The following MARCHF8 variants were observed in gnomAD, a reference collection of about 807,000 sequenced individuals.
MARCHF8 encodes the protein E3 ubiquitin-protein ligase MARCHF8.
Under a neutral mutation model 51.6 loss-of-function variants are expected in MARCHF8, and 40 were observed. The ratio of observed to expected loss-of-function variants is 0.77; its 90% CI spans 0.60 to 1.01. The LOEUF (loss-of-function observed/expected upper bound fraction) is 1.01. Among genes scored for constraint, MARCHF8 ranks in the 50% least tolerant of loss-of-function variants. The pLI is 0.00. For synonymous variants in MARCHF8, 263 were observed against 280.3 expected (o/e 0.94, Z 0.62); for missense variants, 685 against 708.6 (o/e 0.97, Z 0.38).
chr10:45,534,866 G>A (rs1027730561), intron 1 of MARCHF8, among the ~76,000 whole-genome samples: 3 of 152,154 alleles, frequency 2.0e-5, no homozygotes, highest in Non-Finnish European at 2.9e-5. Flanking sequence ...GTGTCACTAA[G>A]CAAGCAGAGG....
At chr10:45,564,996 A>G (rs954168975) in intron 1 of MARCHF8, among the ~76,000 whole-genome samples, 3 of 151,962 alleles carry the variant, frequency 2.0e-5, no homozygotes, top group African/African-American at 7.2e-5. Flanking sequence ...AAAAAAAAAA[A>G]AAAAAAAAAT....
intron 5 of MARCHF8, among the ~76,000 whole-genome samples, chr10:45,462,829 T>C (rs1370590455): frequency 6.6e-6 from 1 of 152,110 alleles, no homozygotes; most frequent in Non-Finnish European, 1.5e-5. Flanking sequence ...TTTCGCCACG[T>C]TGGCCAAGCT....
At chr10:45,529,642 G>A (rs2043845802) in intron 2 of MARCHF8, among the ~76,000 whole-genome samples, 1 of 151,976 alleles carries the variant, frequency 6.6e-6, no homozygotes, top group African/African-American at 2.4e-5. Context: ...TTAAAAAATG[G>A]GCAAAGGGCA....
chr10:45,491,052 T>G (rs2043072126), intron 2 of MARCHF8, among the ~76,000 whole-genome samples: 1 of 152,186 alleles, frequency 6.6e-6, no homozygotes, highest in South Asian at 2.1e-4. Flanking sequence ...TACAGACATG[T>G]GCCACCATGT....
intron 3 of MARCHF8, among the ~76,000 whole-genome samples, chr10:45,484,244 C>CT (rs1304570977): frequency 6.6e-6 from 1 of 152,058 alleles, no homozygotes; most frequent in East Asian, 1.9e-4. Flanking sequence ...TGATATAAAA[C>CT]TTTGAGTTTG....
At chr10:45,474,448 C>T (rs1349306568) in intron 3 of MARCHF8, among the ~76,000 whole-genome samples, 1 of 152,056 alleles carries the variant, frequency 6.6e-6, no homozygotes, top group African/African-American at 2.4e-5. Context: ...TTGCCCCATC[C>T]CCACCCCTCC....
intron 2 of MARCHF8, among the ~76,000 whole-genome samples, chr10:45,522,124 G>A (rs1348120639): frequency 6.6e-6 from 1 of 151,966 alleles, no homozygotes; most frequent in Admixed American, 6.6e-5. Flanking sequence ...TTAAAGTCAG[G>A]GGTTCAAGGT....
upstream of MARCHF8, among the ~76,000 whole-genome samples, chr10:45,538,548 T>C (rs918476930): frequency 2.6e-5 from 4 of 152,268 alleles, no homozygotes; most frequent in South Asian, 6.2e-4. Context: ...CAAGACCCAT[T>C]ACTGTGCTGT....
intron 3 of MARCHF8, among the ~76,000 whole-genome samples, chr10:45,481,082 G>A (rs906612681): frequency 1.3e-5 from 2 of 152,260 alleles, no homozygotes; most frequent in African/African-American, 4.8e-5. Context: ...GGAGTCAAAG[G>A]AGATCACTTT....
intron 1 of MARCHF8, among the ~76,000 whole-genome samples, chr10:45,575,262 TC>T (rs1259401717): frequency 6.6e-6 from 1 of 152,132 alleles, no homozygotes; most frequent in African/African-American, 2.4e-5. Context: ...GCAGTTTTTC[TC>T]CTTCTCATCT....
At chr10:45,563,594 C>T (rs1256172278) in intron 1 of MARCHF8, among the ~76,000 whole-genome samples, 7 of 152,016 alleles carry the variant, frequency 4.6e-5, no homozygotes, top group Non-Finnish European at 1.0e-4. Context: ...AGTGAAAAAA[C>T]CTTAATTGTA....
At chr10:45,515,613 A>G (rs537239017) in intron 2 of MARCHF8, among the ~76,000 whole-genome samples, 2 of 152,234 alleles carry the variant, frequency 1.3e-5, no homozygotes, top group South Asian at 4.2e-4. Flanking sequence ...GGAAATAATG[A>G]TTTCTTCCAG....
intron 1 of MARCHF8, among the ~76,000 whole-genome samples, chr10:45,547,440 C>T (rs1027469134): frequency 2.0e-5 from 3 of 152,062 alleles, no homozygotes; most frequent in Non-Finnish European, 4.4e-5. Context: ...CTTGACCTTA[C>T]AGAAGGTGTC....
chr10:45,486,756 G>T (rs1432475552), intron 3 of MARCHF8, among the ~76,000 whole-genome samples: 1 of 147,780 alleles, frequency 6.8e-6, no homozygotes, highest in African/African-American at 2.5e-5. Flanking sequence ...CCATGCAAAT[G>T]TTAATCCCAA....
intron 2 of MARCHF8, among the ~76,000 whole-genome samples, chr10:45,513,656 CAT>C (rs2043572672): frequency 1.3e-5 from 2 of 152,056 alleles, no homozygotes; most frequent in African/African-American, 2.4e-5. Context: ...AAGAACATCT[CAT>C]AGCCTCAGCA....
intron 7 of MARCHF8, among the ~76,000 whole-genome samples, chr10:45,458,756 A>G (rs1198818188): frequency 6.6e-6 from 1 of 152,096 alleles, no homozygotes; most frequent in Non-Finnish European, 1.5e-5. Flanking sequence ...AGCCTCAGCA[A>G]TCCTCCATCC....
chr10:45,523,356 T>C (rs2043740300), intron 2 of MARCHF8, among the ~76,000 whole-genome samples: 1 of 152,124 alleles, frequency 6.6e-6, no homozygotes, highest in Admixed American at 6.5e-5. Context: ...CAAGATCTCA[T>C]CTCTTCAAAA....
chr10:45,491,775 A>G (rs572620322), intron 2 of MARCHF8, among the ~76,000 whole-genome samples: 1 of 152,292 alleles, frequency 6.6e-6, no homozygotes, highest in East Asian at 1.9e-4. Context: ...ACTAAGTTCA[A>G]ACAAAGACAC....
At chr10:45,555,375 CATTA>C (rs1258717342) in intron 1 of MARCHF8, among the ~76,000 whole-genome samples, 1 of 151,592 alleles carries the variant, frequency 6.6e-6, no homozygotes, top group Non-Finnish European at 1.5e-5. Flanking sequence ...TGAGATCTAT[CATTA>C]ATTAATGTAA....
Sources: gnomAD v4.1 joint callset for allele counts (sites outside exome capture counted in the v4.1 genomes callset) on GRCh38, gnomAD v4.1.1 for gene constraint, MANE v1.5 for transcripts, NCBI Gene and HGNC (gene_info 2026-07-23, HGNC 2026-07-21) for gene names.